XYLT1: variants seen among roughly 807,000 people sequenced by gnomAD.
The protein encoded by XYLT1 is xylosyltransferase 1.
In XYLT1, 36 loss-of-function variants were observed where a neutral mutation model predicts 91.3. The ratio of observed to expected loss-of-function variants is 0.39; its 90% CI spans 0.30 to 0.52. XYLT1 has a LOEUF of 0.52. XYLT1 is among the 20% of genes least tolerant of loss of function. The pLI is 0.68. For missense variants in XYLT1, 1,242 were observed against 1,284.5 expected (o/e 0.97, Z 0.51); for synonymous variants, 588 against 532.0 (o/e 1.11, Z -1.45).
chr16:17,168,019 C>T (rs1374040347), intron 5 of XYLT1, among the ~76,000 whole-genome samples: 1 of 152,192 alleles, frequency 6.6e-6, no homozygotes, highest in Non-Finnish European at 1.5e-5. Flanking sequence ...TCAGGGAAGT[C>T]CAGGGTTGCA....
chr16:17,315,575 T>C (rs1385552422), intron 2 of XYLT1, among the ~76,000 whole-genome samples: 1 of 152,222 alleles, frequency 6.6e-6, no homozygotes, highest in Non-Finnish European at 1.5e-5. Flanking sequence ...GGATGTCTAT[T>C]ATTCTAGGAA....
At chr16:17,131,358 G>A (rs13380773) in intron 9 of XYLT1, among the ~76,000 whole-genome samples, 6,792 of 152,236 alleles carry the variant, frequency 0.045, 500 homozygotes, top group African/African-American at 0.15. Flanking sequence ...GAATGCAACC[G>A]AAGTATTCGT....
intron 2 of XYLT1, among the ~76,000 whole-genome samples, chr16:17,343,826 C>A (rs1021831459): frequency 2.0e-5 from 3 of 152,200 alleles, no homozygotes; most frequent in African/African-American, 7.2e-5. Flanking sequence ...TACCTCATCA[C>A]ACCCACAGTG....
intron 2 of XYLT1, among the ~76,000 whole-genome samples, chr16:17,305,263 C>CT (rs1340070428): frequency 6.6e-6 from 1 of 152,168 alleles, no homozygotes; most frequent in Non-Finnish European, 1.5e-5. Flanking sequence ...GAGCCTAAGA[C>CT]TACAGTAACT....
intron 2 of XYLT1, among the ~76,000 whole-genome samples, chr16:17,320,930 C>A (rs2034709453): frequency 6.6e-6 from 1 of 152,020 alleles, no homozygotes; most frequent in Non-Finnish European, 1.5e-5. Flanking sequence ...ACGTAAGGCA[C>A]TTAGCACTTT....
chr16:17,285,523 G>A (rs1029949821), intron 2 of XYLT1, among the ~76,000 whole-genome samples: 3 of 152,192 alleles, frequency 2.0e-5, no homozygotes, highest in Non-Finnish European at 4.4e-5. Context: ...AAGGTTGTGG[G>A]ACAATGGGCA....
At chr16:17,325,589 A>G (rs1048463048) in intron 2 of XYLT1, among the ~76,000 whole-genome samples, 1 of 152,192 alleles carries the variant, frequency 6.6e-6, no homozygotes, top group East Asian at 1.9e-4. Context: ...CATACACGGA[A>G]AAGAAGACTG....
intron 9 of XYLT1, among the ~76,000 whole-genome samples, chr16:17,129,072 GAAAAAAAA>G (rs34234422): frequency 3.2e-5 from 3 of 95,216 alleles, no homozygotes; most frequent in Admixed American, 1.3e-4. Context: ...AGGGAGCATA[GAAAAAAAA>G]AAAAAAAAAA....
At position 17,297,701 on chromosome 16, in the gene XYLT1, C is replaced by T. The variant is rs905978083; in HGVS notation, c.403-38203G>A. Among the ~76,000 whole-genome samples the T allele has an allele frequency of 2.7e-4, 41 of 152,072 alleles. 2 individuals carry two copies. The highest frequency in any genetic ancestry group is 2.7e-3 in the Admixed American group (41 of 15,266). On this transcript the variant is annotated intron_variant, in intron 2 of 11. Coordinates refer to ENST00000261381, the MANE Select transcript of XYLT1 (RefSeq NM_022166.4). ...TCATGCCACTGTGCTCCAACCTAGG[C>T]CACAGAGTGAGACCTTGTCTCTATA...
At chr16:17,181,948 T>C (rs79372335) in intron 5 of XYLT1, among the ~76,000 whole-genome samples, 274 of 152,176 alleles carry the variant, frequency 1.8e-3, no homozygotes, top group African/African-American at 6.3e-3. Context: ...AATGTTTTGA[T>C]GGTGAGAAGG....
chr16:17,449,566 C>G (rs777757790), intron 1 of XYLT1, among the ~76,000 whole-genome samples: 7 of 152,244 alleles, frequency 4.6e-5, no homozygotes, highest in African/African-American at 1.7e-4. Context: ...GTTACTTCCC[C>G]TCTCTGTGCC....
intron 1 of XYLT1, among the ~76,000 whole-genome samples, chr16:17,444,720 T>C (rs1481816358): frequency 2.6e-5 from 4 of 152,134 alleles, no homozygotes; most frequent in Admixed American, 2.0e-4. Context: ...TTAAAATAAA[T>C]ACTATTGGAA....
intron 8 of XYLT1, among the ~76,000 whole-genome samples, chr16:17,137,124 TA>T (rs1459223660): frequency 6.6e-6 from 1 of 151,954 alleles, no homozygotes; most frequent in Non-Finnish European, 1.5e-5. Context: ...GTGGGAACCT[TA>T]AGGGGAATAC....
At chr16:17,226,579 G>C (rs745977983) in intron 3 of XYLT1, among the ~76,000 whole-genome samples, 10 of 152,210 alleles carry the variant, frequency 6.6e-5, no homozygotes, top group Non-Finnish European at 1.5e-4. Context: ...CCTGAGGTCA[G>C]GTGTTTGAGA....
intron 1 of XYLT1, among the ~76,000 whole-genome samples, chr16:17,457,652 A>G (rs1038833977): frequency 1.1e-4 from 16 of 152,242 alleles, no homozygotes; most frequent in Admixed American, 9.2e-4. Context: ...AAAGCAGGCA[A>G]TAAGAGCATT....
intron 3 of XYLT1, among the ~76,000 whole-genome samples, chr16:17,222,122 T>C (rs918872906): frequency 6.6e-6 from 1 of 152,192 alleles, no homozygotes; most frequent in African/African-American, 2.4e-5. Flanking sequence ...TGAGGGAGAC[T>C]GAATCCTAGG....
chr16:17,440,054 A>G (rs992301831), intron 1 of XYLT1, among the ~76,000 whole-genome samples: 2 of 152,184 alleles, frequency 1.3e-5, no homozygotes, highest in African/African-American at 2.4e-5. Context: ...GGGGAATCCA[A>G]CTGTCATGTT....
intron 2 of XYLT1, among the ~76,000 whole-genome samples, chr16:17,315,785 A>AGAT (rs1422221789): frequency 1.3e-5 from 2 of 151,254 alleles, no homozygotes; most frequent in African/African-American, 4.9e-5. Context: ...CTCAAGTCTG[A>AGAT]CTCCAAGGCT....
intron 2 of XYLT1, among the ~76,000 whole-genome samples, chr16:17,317,647 A>G (rs914429968): frequency 6.6e-6 from 1 of 151,174 alleles, no homozygotes; most frequent in Admixed American, 6.6e-5. Flanking sequence ...AAAAAAAAAA[A>G]AAAAAAAAAA....
Sources: gnomAD v4.1 joint callset for allele counts (sites outside exome capture counted in the v4.1 genomes callset) on GRCh38, gnomAD v4.1.1 for gene constraint, MANE v1.5 for transcripts, NCBI Gene and HGNC (gene_info 2026-07-23, HGNC 2026-07-21) for gene names.